Variants in INO80D observed in about 807,000 individuals in gnomAD.
The protein encoded by INO80D is INO80 complex subunit D.
A neutral mutation model predicts 87.6 loss-of-function variants in INO80D; 21 were observed. The observed-to-expected ratio is 0.24, with a 90% CI of 0.17 to 0.35. INO80D has a LOEUF of 0.35. Among genes scored for constraint, INO80D ranks in the 10% least tolerant of loss-of-function variants. The pLI, the probability that INO80D is intolerant of heterozygous loss-of-function variation, is 1.00. For missense variants in INO80D, 982 were observed against 1,280.7 expected, an observed-to-expected ratio of 0.77 and a Z score of 3.56; for synonymous variants, 440 against 491.0, an observed-to-expected ratio of 0.90 and a Z score of 1.37.
chr2:206,061,415 G>GT, intron 3 of INO80D, among the ~76,000 whole-genome samples: 1 of 152,264 alleles, frequency 6.6e-6, no homozygotes, highest in South Asian at 2.1e-4. Context: ...TTTTAGAAAT[G>GT]TGTTTACGAT....
At chr2:206,018,142 TTG>T (rs1491364072) in intron 7 of INO80D, among the ~76,000 whole-genome samples, 1 of 152,166 alleles carries the variant, frequency 6.6e-6, no homozygotes, top group Non-Finnish European at 1.5e-5. Flanking sequence ...CATGTTTTTT[TTG>T]TTTTGTTTTT....
chr2:206,051,944 A>G (rs916300972), intron 4 of INO80D, among the ~76,000 whole-genome samples: 1 of 152,232 alleles, frequency 6.6e-6, no homozygotes, highest in African/African-American at 2.4e-5. Context: ...CAGACTTACT[A>G]GGAGTCATTG....
At chr2:206,034,933 T>C (rs1688855653) in intron 5 of INO80D, among the ~76,000 whole-genome samples, 1 of 152,094 alleles carries the variant, frequency 6.6e-6, no homozygotes, top group South Asian at 2.1e-4. Flanking sequence ...TCAGTAGCTC[T>C]TCTATACACC....
intron 4 of INO80D, among the ~76,000 whole-genome samples, chr2:206,047,409 G>A (rs1689225862): frequency 6.6e-6 from 1 of 151,592 alleles, no homozygotes; most frequent in Non-Finnish European, 1.5e-5. Context: ...AGTAGAGATG[G>A]GGTTTCGCCA....
chr2:206,013,501 G>A (rs1037515775), intron 8 of INO80D, among the ~76,000 whole-genome samples: 7 of 145,530 alleles, frequency 4.8e-5, no homozygotes, highest in African/African-American at 1.3e-4. Context: ...GCAGTGAGCC[G>A]AGATCTCACC....
At chr2:206,018,720 AG>A (rs1688383761) in intron 7 of INO80D, among the ~76,000 whole-genome samples, 1 of 152,102 alleles carries the variant, frequency 6.6e-6, no homozygotes, top group Non-Finnish European at 1.5e-5. Flanking sequence ...TCAGAAGTTC[AG>A]GATCAGCCTG....
chr2:206,014,633 T>C (rs1688270672), intron 8 of INO80D, among the ~76,000 whole-genome samples: 1 of 151,882 alleles, frequency 6.6e-6, no homozygotes, highest in Admixed American at 6.6e-5. Flanking sequence ...CAATTAAACC[T>C]CTTTTTTTTT....
chr2:206,008,647 A>G (rs1402680950), intron 9 of INO80D, among the ~76,000 whole-genome samples: 1 of 152,168 alleles, frequency 6.6e-6, no homozygotes, highest in Non-Finnish European at 1.5e-5. Flanking sequence ...CTATTTTAAA[A>G]GAAGGAAATC....
At position 206,062,590 on chromosome 2, in the gene INO80D, T is replaced by C. The variant is rs1689715012; in HGVS notation, c.218+209A>G. Among the ~76,000 whole-genome samples the C allele has an allele frequency of 6.6e-6, 1 of 152,176 alleles. No individual in the cohort carries two copies. Among genetic ancestry groups the C allele is most frequent in the Admixed American group, 6.5e-5 (1 of 15,268 alleles). The stretch of plus-strand genomic sequence containing the variant: ...TACTTTAAGTAATTCCCCAAATTTA[T>C]TACTCTATTTTAAAAAATTGCCATA... On this transcript the variant is annotated intron_variant, in intron 3 of 10. Coordinates refer to ENST00000403263, the MANE Select transcript of INO80D (RefSeq NM_017759.5). This position sits in a 1 kb window ranked among gnomAD's most constrained non-coding sequence, Gnocchi z 4.6.
Position 206,056,701 on chromosome 2 carries a change from T to A in INO80D, c.461A>T (p.Asn154Ile), listed in dbSNP as rs533617498. ...ETELEDPFAFNEEDDDLKKGA... is the reference protein window; with the variant it reads ...ETELEDPFAFIEEDDDLKKGA... Reference sequence around the variant, plus strand: ...TTTCTTTAGGTCATCATCTTCCTCATTGAAAGCAAATGGGTCTTCCAATTC... The same window carrying A: ...TTTCTTTAGGTCATCATCTTCCTCAATGAAAGCAAATGGGTCTTCCAATTC... The change falls in exon 4 of 11, where the codon AAT (asparagine) becomes ATT (isoleucine). Residue 154 changes from asparagine (N) to isoleucine (I), a missense_variant. By Grantham distance (149) the Asn-to-Ile change is moderately radical. Coordinates refer to ENST00000403263, the MANE Select transcript of INO80D (RefSeq NM_017759.5). 5 of 1,613,554 alleles carry A rather than the reference T, an allele frequency of 3.1e-6. No homozygotes were observed. Among genetic ancestry groups the A allele is most frequent in the African/African-American group, 2.7e-5 (2 of 74,928 alleles).
intron 1 of INO80D, among the ~76,000 whole-genome samples, chr2:206,071,847 GA>G (rs1689980819): frequency 6.6e-6 from 1 of 151,876 alleles, no homozygotes; most frequent in African/African-American, 2.4e-5. Context: ...CTTGAGGCTT[GA>G]CTCCATGCTG....
intron 1 of INO80D, among the ~76,000 whole-genome samples, chr2:206,083,360 A>C (rs1164946344): frequency 6.6e-6 from 1 of 152,232 alleles, no homozygotes; most frequent in Non-Finnish European, 1.5e-5. Context: ...AAAATGACTA[A>C]GAATGATTTT....
intron 3 of INO80D, among the ~76,000 whole-genome samples, chr2:206,059,988 GAAGCCTGGAGTTCGAAAC>G (rs1282497953): frequency 6.6e-6 from 1 of 151,978 alleles, no homozygotes; most frequent in East Asian, 1.9e-4. Context: ...GCGATTGCTT[GAAGCCTGGAGTTCGAAAC>G]AAGCCTGGGC....
chr2:206,002,518 A>T lies in INO80D; in HGVS notation c.*1850T>A, dbSNP rs1687923381. Reference sequence around the variant, plus strand: ...AACATATTTTTGGCCCACAAAAAGAAACATCAATAAATACAAAATAGGGCA... The same window carrying T: ...AACATATTTTTGGCCCACAAAAAGATACATCAATAAATACAAAATAGGGCA... On this transcript the variant is annotated 3_prime_UTR_variant, in exon 11 of 11. Transcript: ENST00000403263. The T allele has an allele frequency of 6.6e-6, 1 of 152,256 alleles. No individual in the cohort carries two copies. The highest frequency in any genetic ancestry group is 2.1e-4 in the South Asian group (1 of 4,838). 9.4% of individuals were successfully genotyped at this position (152,256 alleles called of 1,614,324 possible).
intron 9 of INO80D, among the ~76,000 whole-genome samples, chr2:206,007,685 G>A (rs1188915147): frequency 6.6e-6 from 1 of 151,972 alleles, no homozygotes; most frequent in Admixed American, 6.6e-5. Flanking sequence ...AGCTGGGCAT[G>A]GTGGTGCACA....
chr2:206,008,101 C>T (rs1221278699), intron 9 of INO80D: 1 of 152,066 alleles, frequency 6.6e-6, no homozygotes, highest in African/African-American at 2.4e-5. Context: ...CCTTTCTCAG[C>T]CTTCAGAGTA....
intron 5 of INO80D, among the ~76,000 whole-genome samples, chr2:206,044,366 GT>G (rs1462441260): frequency 6.6e-6 from 1 of 151,192 alleles, no homozygotes; most frequent in African/African-American, 2.4e-5. Context: ...CAACAAGAAA[GT>G]GCTGAATAAG....
intron 3 of INO80D, among the ~76,000 whole-genome samples, chr2:206,058,543 T>C (rs1307217038): frequency 6.6e-6 from 1 of 151,692 alleles, no homozygotes; most frequent in Non-Finnish European, 1.5e-5. Context: ...GAGACCAGCT[T>C]GGCCAACATG....
At chr2:206,041,436 A>C (rs1014692767) in intron 5 of INO80D, among the ~76,000 whole-genome samples, 7 of 152,228 alleles carry the variant, frequency 4.6e-5, no homozygotes, top group African/African-American at 1.7e-4. Flanking sequence ...ATAAGGAAAG[A>C]TCTCAAAGCA....
Sources: gnomAD v4.1 joint callset for allele counts (sites outside exome capture counted in the v4.1 genomes callset) on GRCh38, gnomAD v4.1.1 for gene constraint, Gnocchi (gnomAD v3.1) non-coding constraint, MANE v1.5 for transcripts, NCBI Gene and HGNC (gene_info 2026-07-23, HGNC 2026-07-21) for gene names.